The following TRAPPC9 variants were observed in gnomAD, a reference collection of about 807,000 sequenced individuals.
TRAPPC9 encodes trafficking protein particle complex subunit 9.
In TRAPPC9, 83 loss-of-function variants were observed where a neutral mutation model predicts 124.0. That is an observed-to-expected ratio of 0.67 (90% CI 0.56 to 0.80). TRAPPC9 has a LOEUF of 0.80. Ranked by LOEUF, TRAPPC9 falls within the 30% of genes least tolerant of loss-of-function variation. The probability of loss-of-function intolerance (pLI) is 0.00; values close to 1 mark genes in which losing one functional copy is unlikely to be tolerated. For missense variants in TRAPPC9, 1,302 were observed against 1,508.3 expected (o/e 0.86, Z 2.27); for synonymous variants, 638 against 617.5 (o/e 1.03, Z -0.49).
intron 6 of TRAPPC9, among the ~76,000 whole-genome samples, chr8:140,401,312 A>G (rs1194154248): frequency 6.6e-6 from 1 of 152,222 alleles, no homozygotes; most frequent in Non-Finnish European, 1.5e-5. Context: ...CCCCTTTTCC[A>G]CACATATAAT....
chr8:139,907,288 C>T lies in TRAPPC9; in HGVS notation c.2964+2859G>A, dbSNP rs1270892787. ...TCCTTTAAAACGCATCTATCCAGACCCATGCGCTACAGGTGGGCAACTGCT... is the reference window on the plus strand; with the variant it reads ...TCCTTTAAAACGCATCTATCCAGACTCATGCGCTACAGGTGGGCAACTGCT... On this transcript the variant is annotated intron_variant, in intron 20 of 22. Coordinates refer to ENST00000438773, the MANE Select transcript of TRAPPC9 (RefSeq NM_001160372.4). This position sits in a 1 kb window ranked among gnomAD's most constrained non-coding sequence, Gnocchi z 4.7. Among the ~76,000 whole-genome samples, 1 of 152,096 alleles carries T rather than the reference C, an allele frequency of 6.6e-6. No homozygotes were observed. Among genetic ancestry groups the T allele is most frequent in the African/African-American group, 2.4e-5 (1 of 41,402 alleles).
At chr8:140,348,107 T>C (rs1299707609) in intron 9 of TRAPPC9, among the ~76,000 whole-genome samples, 1 of 152,238 alleles carries the variant, frequency 6.6e-6, no homozygotes, top group Admixed American at 6.5e-5. Flanking sequence ...TGGCAAGTGT[T>C]TCCCCCTTTC....
chr8:140,294,474 T>G (rs1175956411), intron 11 of TRAPPC9, among the ~76,000 whole-genome samples: 2 of 152,128 alleles, frequency 1.3e-5, no homozygotes, highest in East Asian at 3.9e-4. Context: ...GTCATGATGA[T>G]GATGATGATG....
chr8:139,865,714 C>T (rs187859771), intron 21 of TRAPPC9, among the ~76,000 whole-genome samples: 1 of 152,280 alleles, frequency 6.6e-6, no homozygotes, highest in Admixed American at 6.5e-5. Flanking sequence ...CCCAAGAGAA[C>T]CCAGTTGGTC....
At chr8:140,349,169 G>T (rs1456087693) in intron 9 of TRAPPC9, among the ~76,000 whole-genome samples, 3 of 127,614 alleles carry the variant, frequency 2.4e-5, no homozygotes, top group Admixed American at 7.7e-5. Flanking sequence ...GGGGGCGCAC[G>T]AAGGAAGGAC....
intron 10 of TRAPPC9, among the ~76,000 whole-genome samples, chr8:140,309,307 G>A (rs926819183): frequency 5.3e-5 from 8 of 152,214 alleles, no homozygotes; most frequent in Non-Finnish European, 1.2e-4. Flanking sequence ...ACTCTGTGTG[G>A]GGCAATTTTT....
intron 17 of TRAPPC9, among the ~76,000 whole-genome samples, chr8:140,137,329 C>T (rs1045121503): frequency 6.6e-6 from 1 of 151,790 alleles, no homozygotes; most frequent in Admixed American, 6.5e-5. Flanking sequence ...TGGCCCCACA[C>T]CTGGCACTCA....
At chr8:140,164,943 C>T (rs1162090413) in intron 17 of TRAPPC9, among the ~76,000 whole-genome samples, 1 of 152,226 alleles carries the variant, frequency 6.6e-6, no homozygotes, top group Non-Finnish European at 1.5e-5. Flanking sequence ...CATGAGCAGG[C>T]TGCTGGGATG....
chr8:139,847,215 C>G (rs1368665680), intron 21 of TRAPPC9, among the ~76,000 whole-genome samples: 1 of 152,220 alleles, frequency 6.6e-6, no homozygotes, highest in East Asian at 1.9e-4. Context: ...GCCAGCAGAG[C>G]TGAATGCTGG....
intron 21 of TRAPPC9, among the ~76,000 whole-genome samples, chr8:139,739,361 T>G (rs972791467): frequency 6.6e-6 from 1 of 152,250 alleles, no homozygotes; most frequent in Admixed American, 6.5e-5. Flanking sequence ...GAGACGCTGG[T>G]AGGTAGTGTC....
intron 17 of TRAPPC9, among the ~76,000 whole-genome samples, chr8:140,100,985 C>G (rs1399690769): frequency 6.6e-6 from 1 of 152,210 alleles, no homozygotes; most frequent in Non-Finnish European, 1.5e-5. Context: ...ATGTGACGTA[C>G]TAATTTCTAA....
At chr8:139,926,145 T>TA (rs1832804905) in intron 19 of TRAPPC9, among the ~76,000 whole-genome samples, 1 of 152,194 alleles carries the variant, frequency 6.6e-6, no homozygotes. Context: ...TGTTAAAAAT[T>TA]AACCAAGTCA....
At chr8:139,895,647 C>T (rs1029952097) in intron 20 of TRAPPC9, among the ~76,000 whole-genome samples, 1 of 152,170 alleles carries the variant, frequency 6.6e-6, no homozygotes, top group African/African-American at 2.4e-5. Context: ...TCACTATGGG[C>T]CTGGGACGCT....
At chr8:140,060,610 GT>G (rs1322044145) in intron 17 of TRAPPC9, among the ~76,000 whole-genome samples, 2 of 122,936 alleles carry the variant, frequency 1.6e-5, no homozygotes, top group African/African-American at 3.2e-5. Flanking sequence ...ATCCCTACCT[GT>G]TCCTACCCAT....
chr8:139,837,768 C>A (rs1333704635), intron 21 of TRAPPC9, among the ~76,000 whole-genome samples: 1 of 152,186 alleles, frequency 6.6e-6, no homozygotes, highest in Non-Finnish European at 1.5e-5. Context: ...ATGCCAGGAG[C>A]CCCTCGGCCC....
chr8:140,392,909 A>G (rs907374539), intron 7 of TRAPPC9, among the ~76,000 whole-genome samples: 2 of 152,244 alleles, frequency 1.3e-5, no homozygotes, highest in Non-Finnish European at 2.9e-5. Flanking sequence ...GCCGTGAGGC[A>G]GACATGTTTG....
chr8:140,195,632 C>T (rs1280253061), intron 17 of TRAPPC9, among the ~76,000 whole-genome samples: 7 of 151,668 alleles, frequency 4.6e-5, no homozygotes, highest in Non-Finnish European at 1.0e-4. Flanking sequence ...ACAGCTCGCA[C>T]CTGTGACACT....
intron 21 of TRAPPC9, among the ~76,000 whole-genome samples, chr8:139,864,488 G>T (rs1828393689): frequency 6.6e-6 from 1 of 152,206 alleles, no homozygotes; most frequent in African/African-American, 2.4e-5. Context: ...TTAAGGGATG[G>T]AATACATCTG....
In TRAPPC9 at chr8:140,235,596, C is replaced by G. The variant is rs188777442; in HGVS notation, c.2432-14013G>C. Among the ~76,000 whole-genome samples the G allele has an allele frequency of 2.6e-5, 4 of 152,288 alleles. No homozygotes were observed. In the East Asian group the frequency reaches 5.8e-4, roughly 22 times the overall value. ...AGTTAATACCACAGTGAGACAATAC[C>G]ACATGTAGACCAGAACAGCTGTAAT... On this transcript the variant is annotated intron_variant, in intron 16 of 22. Coordinates refer to ENST00000438773, the MANE Select transcript of TRAPPC9 (RefSeq NM_001160372.4).
Sources: gnomAD v4.1 joint callset for allele counts (sites outside exome capture counted in the v4.1 genomes callset) on GRCh38, gnomAD v4.1.1 for gene constraint, Gnocchi (gnomAD v3.1) non-coding constraint, MANE v1.5 for transcripts, NCBI Gene and HGNC (gene_info 2026-07-23, HGNC 2026-07-21) for gene names.